The following ATRN variants were observed in gnomAD, a reference collection of about 807,000 sequenced individuals.
ATRN encodes attractin-2.
Under a neutral mutation model 178.7 loss-of-function variants are expected in ATRN, and 54 were observed. That is an observed-to-expected ratio of 0.30 (90% confidence interval 0.24 to 0.38). ATRN has a LOEUF of 0.38. ATRN is among the 10% of genes least tolerant of loss of function. ATRN has a pLI of 1.00. For synonymous variants in ATRN, 636 were observed against 663.0 expected, an observed-to-expected ratio of 0.96 and a Z score of 0.63; for missense variants, 1,443 against 1,815.1, an observed-to-expected ratio of 0.79 and a Z score of 3.73.
intron 1 of ATRN, among the ~76,000 whole-genome samples, chr20:3,512,333 C>T (rs758391171): frequency 3.4e-5 from 5 of 149,090 alleles, no homozygotes; most frequent in Middle Eastern, 3.2e-3. Flanking sequence ...GTTCAATTCC[C>T]ACCTATGAGT....
intron 25 of ATRN, chr20:3,629,005 C>T (rs2422910): frequency 0.12 from 121,597 of 984,952 alleles, 9,873 homozygotes; most frequent in African/African-American, 0.39. Flanking sequence ...CCTTCCTCAC[C>T]GGTGTTCCCC....
At chr20:3,530,658 TA>T (rs1387190597) in intron 1 of ATRN, among the ~76,000 whole-genome samples, 1 of 152,082 alleles carries the variant, frequency 6.6e-6, no homozygotes, top group Non-Finnish European at 1.5e-5. Context: ...GTGCATTTAA[TA>T]ATCTTAATCA....
At chr20:3,594,808 TA>T (rs1362081997) in intron 20 of ATRN, among the ~76,000 whole-genome samples, 6 of 152,232 alleles carry the variant, frequency 3.9e-5, no homozygotes, top group Non-Finnish European at 8.8e-5. Context: ...CATTTTTGTT[TA>T]AATGATACTG....
chr20:3,626,877 C>T (rs1468251193), intron 25 of ATRN, among the ~76,000 whole-genome samples: 1 of 151,302 alleles, frequency 6.6e-6, no homozygotes, highest in Non-Finnish European at 1.5e-5. Context: ...ACCGCCGCCT[C>T]CCGGGTTCAA....
At chr20:3,558,331 A>G (rs1013172823) in intron 6 of ATRN, among the ~76,000 whole-genome samples, 10 of 152,068 alleles carry the variant, frequency 6.6e-5, no homozygotes, top group Admixed American at 2.0e-4. Flanking sequence ...TCTTTATGTT[A>G]TCTATCTGGA....
intron 26 of ATRN, among the ~76,000 whole-genome samples, chr20:3,635,043 A>T (rs968885884): frequency 6.6e-6 from 1 of 152,092 alleles, no homozygotes; most frequent in Admixed American, 6.6e-5. Flanking sequence ...ATATATATAT[A>T]TTTATATACA....
At chr20:3,604,570 A>G (rs2086654539) in intron 24 of ATRN, among the ~76,000 whole-genome samples, 1 of 152,278 alleles carries the variant, frequency 6.6e-6, no homozygotes, top group Admixed American at 6.5e-5. Flanking sequence ...CTGTAGGGCT[A>G]CACAAAGAAC....
chr20:3,558,706 T>C (rs1217518953), intron 6 of ATRN, among the ~76,000 whole-genome samples: 1 of 152,018 alleles, frequency 6.6e-6, no homozygotes. Context: ...TTCTTTGTAT[T>C]GGTTACATTC....
At chr20:3,522,295 C>T (rs1311814449) in intron 1 of ATRN, among the ~76,000 whole-genome samples, 2 of 152,140 alleles carry the variant, frequency 1.3e-5, no homozygotes, top group African/African-American at 4.8e-5. Flanking sequence ...TTTGTACCTG[C>T]AAAAGTTTTT....
At chr20:3,473,024 C>G (rs1265725656) in intron 1 of ATRN, among the ~76,000 whole-genome samples, 1 of 152,194 alleles carries the variant, frequency 6.6e-6, no homozygotes, top group Non-Finnish European at 1.5e-5. Context: ...AACCAAGTTA[C>G]TTCAGGACCA....
In ATRN at chr20:3,545,906, C is replaced by T. The variant is rs781123625; in HGVS notation, c.737+16C>T. On this transcript the variant is annotated intron_variant, in intron 4 of 28. Transcript: ENST00000262919. ...TTACTTACAGGTAAGATACTTAAGT[C>T]TAGTATTTGTGATTTCATTCAGGAG... The T allele has an allele frequency of 6.2e-7, 1 of 1,610,664 alleles. No individual in the cohort carries two copies. Among genetic ancestry groups the T allele is most frequent in the African/African-American group, 1.3e-5 (1 of 74,922 alleles).
At chr20:3,499,480 A>G (rs1484038657) in intron 1 of ATRN, among the ~76,000 whole-genome samples, 53 of 150,242 alleles carry the variant, frequency 3.5e-4, no homozygotes, top group Non-Finnish European at 8.9e-5. Context: ...TGGTACCAAA[A>G]CAGAGATATA....
At chr20:3,537,835 A>G (rs1600086728) in intron 2 of ATRN, among the ~76,000 whole-genome samples, 2 of 151,848 alleles carry the variant, frequency 1.3e-5, no homozygotes, top group African/African-American at 4.8e-5. Flanking sequence ...TACAAAGGAC[A>G]TGAACTCATC....
At chr20:3,598,401 G>A (rs976044287) in intron 22 of ATRN, among the ~76,000 whole-genome samples, 3 of 151,700 alleles carry the variant, frequency 2.0e-5, no homozygotes, top group African/African-American at 7.3e-5. Context: ...CAGACAGCAA[G>A]GGAGGGGACC....
At chr20:3,502,944 A>G (rs893056459) in intron 1 of ATRN, among the ~76,000 whole-genome samples, 2 of 152,150 alleles carry the variant, frequency 1.3e-5, no homozygotes, top group Non-Finnish European at 1.5e-5. Context: ...GGCCCATTAC[A>G]GAAGACCTCT....
rs957635557 is a variant in ATRN, at chr20:3,609,210, T to G, written c.3801+4948T>G. 2.0e-5 allele frequency among the ~76,000 whole-genome samples: 3 copies of G among 152,190 alleles called. No homozygotes were observed. In the South Asian group the frequency reaches 6.2e-4, roughly 32 times the overall value. ...CCTCTTCAATTTCTTACATCAGTGT[T>G]TTATAGTTTTCCTTGTAAAGAGGGC... On this transcript the variant is annotated intron_variant, in intron 24 of 28. Coordinates refer to ENST00000262919, the MANE Select transcript of ATRN (RefSeq NM_139321.3).
intron 27 of ATRN, among the ~76,000 whole-genome samples, chr20:3,643,887 C>T (rs1284745304): frequency 1.3e-5 from 2 of 152,162 alleles, no homozygotes; most frequent in African/African-American, 4.8e-5. Flanking sequence ...ACCCACTTGG[C>T]GTGGCCCCTT....
At chr20:3,547,828 T>TC (rs2085729176) in intron 5 of ATRN, among the ~76,000 whole-genome samples, 1 of 152,170 alleles carries the variant, frequency 6.6e-6, no homozygotes, top group East Asian at 1.9e-4. Context: ...AAACACACTC[T>TC]AAGTTCAGAG....
At chr20:3,574,292 A>G (rs2254059) in intron 12 of ATRN, among the ~76,000 whole-genome samples, 121,502 of 152,172 alleles carry the variant, frequency 0.8, 48,824 homozygotes, top group East Asian at 1. Context: ...TATGGGGATC[A>G]CTTGAGCCCA....
Sources: allele counts gnomAD v4.1 joint callset (sites outside exome capture counted in the v4.1 genomes callset), GRCh38; gene constraint gnomAD v4.1.1; transcripts MANE v1.5; gene names NCBI Gene and HGNC (gene_info 2026-07-23, HGNC 2026-07-21).